COL28A1: variants seen among roughly 807,000 people sequenced by gnomAD.
The protein encoded by COL28A1 is collagen alpha-1(XXVIII) chain.
COL28A1 carries 161 observed loss-of-function variants against 150.2 expected under a neutral mutation model. The ratio of observed to expected loss-of-function variants is 1.07; its 90% confidence interval spans 0.94 to 1.22. COL28A1 has a LOEUF of 1.22. COL28A1 is among the 50% of genes most tolerant of loss of function. COL28A1 has a pLI of 0.00. For missense variants in COL28A1, 1,617 were observed against 1,388.3 expected (o/e 1.16, Z -2.62); for synonymous variants, 552 against 469.7 (o/e 1.18, Z -2.26).
chr7:7,430,350 C>T (rs1784894058), intron 25 of COL28A1, among the ~76,000 whole-genome samples: 1 of 152,154 alleles, frequency 6.6e-6, no homozygotes, highest in African/African-American at 2.4e-5. Flanking sequence ...TGGTCTCAAA[C>T]TCCTGACCTC....
intron 18 of COL28A1, among the ~76,000 whole-genome samples, chr7:7,445,403 T>G (rs1206128699): frequency 6.6e-6 from 1 of 152,126 alleles, no homozygotes; most frequent in African/African-American, 2.4e-5. Flanking sequence ...TTACAGGTTT[T>G]GGAAGAAGCA....
intron 11 of COL28A1, among the ~76,000 whole-genome samples, chr7:7,497,407 C>A (rs77428600): frequency 0.099 from 15,017 of 152,148 alleles, 866 homozygotes; most frequent in Middle Eastern, 0.22. Context: ...GAAGTAGTTA[C>A]TGTTATTAAC....
intron 15 of COL28A1, among the ~76,000 whole-genome samples, chr7:7,465,321 T>A (rs573742188): frequency 1.4e-5 from 2 of 144,554 alleles, no homozygotes; most frequent in East Asian, 4.2e-4. Flanking sequence ...GAGTTCCCTT[T>A]CCGAGTCAAA....
At chr7:7,474,773 A>G in intron 14 of COL28A1, 104 bp from the exon 15 acceptor site, 1 of 704,780 alleles carries the variant, frequency 1.4e-6, no homozygotes, top group South Asian at 1.7e-5. Flanking sequence ...TATTTTTTAA[A>G]TAAAGCATCC....
intron 18 of COL28A1, among the ~76,000 whole-genome samples, chr7:7,450,338 T>G (rs999443506): frequency 1.3e-5 from 2 of 152,164 alleles, no homozygotes; most frequent in African/African-American, 4.8e-5. Flanking sequence ...AAGAATATCT[T>G]TATCAATCTC....
the COL28A1 span, among the ~76,000 whole-genome samples, chr7:7,343,483 G>A: frequency 8.6e-5 from 13 of 151,906 alleles, no homozygotes; most frequent in South Asian, 4.2e-4. Flanking sequence ...GCACATAATC[G>A]GCTGTTAATT....
At chr7:7,345,419 T>G in the COL28A1 span, among the ~76,000 whole-genome samples, 1 of 152,098 alleles carries the variant, frequency 6.6e-6, no homozygotes. Context: ...TATTTTTACC[T>G]ACATAGTTAC....
chr7:7,543,528 T>G, the COL28A1 span, among the ~76,000 whole-genome samples: 2 of 152,154 alleles, frequency 1.3e-5, no homozygotes, highest in Admixed American at 6.6e-5. Context: ...ATTTCTATTG[T>G]GTAAAAAGTC....
chr7:7,387,813 G>T (rs11525818), intron 27 of COL28A1, among the ~76,000 whole-genome samples: 1 of 151,988 alleles, frequency 6.6e-6, no homozygotes, highest in East Asian at 1.9e-4. Context: ...CTGCTGCAGC[G>T]GCTAAAGCAT....
At chr7:7,442,308 A>C (rs777516620) in intron 20 of COL28A1, among the ~76,000 whole-genome samples, 22 of 152,146 alleles carry the variant, frequency 1.4e-4, no homozygotes, top group Non-Finnish European at 2.5e-4. Context: ...TTCTCCAGCT[A>C]CCTCACAATG....
At chr7:7,476,932 T>G (rs914480735) in intron 14 of COL28A1, among the ~76,000 whole-genome samples, 180 bp downstream of exon 14, 2 of 152,236 alleles carry the variant, frequency 1.3e-5, no homozygotes, top group African/African-American at 4.8e-5. Context: ...TTATTTGTAG[T>G]TCCAAATTTT....
intron 33 of COL28A1, among the ~76,000 whole-genome samples, chr7:7,360,978 A>T (rs542613883): frequency 4.6e-4 from 70 of 152,314 alleles, no homozygotes; most frequent in Non-Finnish European, 8.1e-4. Context: ...ATATATTCCA[A>T]AATATTTACC....
chr7:7,483,928 C>T (rs1047931655), intron 13 of COL28A1, among the ~76,000 whole-genome samples: 1 of 151,658 alleles, frequency 6.6e-6, no homozygotes, highest in Non-Finnish European at 1.5e-5. Flanking sequence ...GAGTTAAGAA[C>T]ATTTTATAAC....
At chr7:7,518,615 CTATT>C (rs1348843915) in intron 6 of COL28A1, among the ~76,000 whole-genome samples, 1 of 152,124 alleles carries the variant, frequency 6.6e-6, no homozygotes, top group Non-Finnish European at 1.5e-5. Flanking sequence ...TTTTCCCAAA[CTATT>C]TGTGTCAAGT....
rs1164857008 is a variant in COL28A1, at chr7:7,477,462, G to A, written c.1165-282C>T. On this transcript the variant is annotated intron_variant, in intron 13 of 34. Coordinates refer to ENST00000399429, the MANE Select transcript of COL28A1 (RefSeq NM_001037763.3). ...TATACCAGATGTGCATAGGTTATAC[G>A]CAAATACTATGCCATTGTGTCTGGA... Among the ~76,000 whole-genome samples, 4 of 152,288 alleles carry A rather than the reference G, an allele frequency of 2.6e-5. No individual in the cohort carries two copies. In the South Asian group the frequency reaches 6.2e-4, roughly 24 times the overall value.
chr7:7,436,247 G>A (rs1785332685), intron 23 of COL28A1, 148 bp downstream of exon 23: 2 of 647,658 alleles, frequency 3.1e-6, no homozygotes, highest in Non-Finnish European at 2.7e-6. Flanking sequence ...GTGATTGCTT[G>A]TTTTTTTAAA....
chr7:7,370,170 A>G lies in COL28A1; in HGVS notation c.3066+555T>C, dbSNP rs567969948. ...CATACTATGTGATTGAGGAGCTCTG[A>G]AACAGAGCATCTACTTTGCACCATA... On this transcript the variant is annotated intron_variant, in intron 33 of 34. Transcript: ENST00000399429. 1.1e-4 allele frequency among the ~76,000 whole-genome samples: 16 copies of G among 152,358 alleles called. No homozygotes were observed. In the South Asian group the frequency reaches 3.3e-3, roughly 32 times the overall value.
chr7:7,524,417 G>A (rs554082302), intron 3 of COL28A1, among the ~76,000 whole-genome samples, 168 bp from the exon 4 acceptor site: 1 of 152,244 alleles, frequency 6.6e-6, no homozygotes, highest in Non-Finnish European at 1.5e-5. Flanking sequence ...CACCCAAGGA[G>A]CAGTCCGAGC....
chr7:7,430,069 G>A (rs1384273935), intron 25 of COL28A1, among the ~76,000 whole-genome samples: 1 of 152,166 alleles, frequency 6.6e-6, no homozygotes, highest in Non-Finnish European at 1.5e-5. Context: ...TTTAGTAAAT[G>A]TTTTAGTCTG....
Sources: allele counts gnomAD v4.1 joint callset (sites outside exome capture counted in the v4.1 genomes callset), GRCh38; gene constraint gnomAD v4.1.1; transcripts MANE v1.5; gene names NCBI Gene and HGNC (gene_info 2026-07-23, HGNC 2026-07-21).